The following HABP2 variants were observed in gnomAD, a reference collection of about 807,000 sequenced individuals.
HABP2 encodes factor VII-activating protease.
HABP2 carries 65 observed loss-of-function variants against 66.5 expected under a neutral mutation model. That is an observed-to-expected ratio of 0.98 (90% CI 0.80 to 1.20). HABP2 has a LOEUF of 1.20. Ranked by LOEUF, HABP2 falls within the 50% of genes most tolerant of loss-of-function variation. The pLI is 0.00. For missense variants in HABP2, 786 were observed against 691.0 expected (o/e 1.14, Z -1.54); for synonymous variants, 263 against 253.9 (o/e 1.04, Z -0.34).
At chr10:113,555,570 T>G (rs1844976609) in intron 1 of HABP2, among the ~76,000 whole-genome samples, 1 of 152,156 alleles carries the variant, frequency 6.6e-6, no homozygotes, top group Non-Finnish European at 1.5e-5. Context: ...TGAGGACTGT[T>G]CTTTGGGATC....
chr10:113,557,048 A>T (rs1845009539), intron 1 of HABP2, among the ~76,000 whole-genome samples: 1 of 151,942 alleles, frequency 6.6e-6, no homozygotes, highest in Admixed American at 6.6e-5. Flanking sequence ...GTGGATATTG[A>T]CTTATCGGAC....
chr10:113,561,460 A>G (rs1845098821), intron 1 of HABP2, among the ~76,000 whole-genome samples: 2 of 152,162 alleles, frequency 1.3e-5, no homozygotes, highest in South Asian at 4.1e-4. Context: ...CAGAGGTTGC[A>G]GCCTCAACCA....
intron 1 of HABP2, among the ~76,000 whole-genome samples, chr10:113,558,139 G>A (rs1159963299): frequency 6.6e-6 from 1 of 152,200 alleles, no homozygotes; most frequent in African/African-American, 2.4e-5. Context: ...CTCCCATCTG[G>A]ACGTTCCCTC....
chr10:113,562,004 C>T (rs1845108326), intron 1 of HABP2, among the ~76,000 whole-genome samples: 1 of 152,148 alleles, frequency 6.6e-6, no homozygotes, highest in Non-Finnish European at 1.5e-5. Context: ...GACTTTGAGA[C>T]TCTGGTGGCT....
rs574767931 is a variant in HABP2 at position 113,570,300 on chromosome 10, C to T, written c.106+2775C>T. 11 of 152,336 alleles carry T rather than the reference C, an allele frequency of 7.2e-5. No individual in the cohort carries two copies. The South Asian group carries it at 2.1e-3, about 29-fold the overall frequency. 9.4% of individuals were successfully genotyped at this position (152,336 alleles called of 1,614,324 possible). A position where few individuals can be genotyped will look rare whatever the true frequency, so the allele number is the denominator to read the frequency against. ...CATTTATTTAGTTTAGTGTCTGATA[C>T]ATAGAAAATACTCAACACATTATAA... is the stretch of plus-strand genomic sequence containing the variant. On this transcript the variant is annotated intron_variant, in intron 2 of 12. Coordinates refer to ENST00000351270, the MANE Select transcript of HABP2 (RefSeq NM_004132.5).
chr10:113,578,257 G>T (rs1238587980), intron 6 of HABP2, 112 bp downstream of exon 6: 7 of 1,169,608 alleles, frequency 6.0e-6, no homozygotes, highest in Non-Finnish European at 8.7e-6. Flanking sequence ...CTCGACTATT[G>T]CCTCAGCCTT....
At chr10:113,567,370 C>T in intron 1 of HABP2, 119 bp from the exon 2 acceptor site, 3 of 763,974 alleles carry the variant, frequency 3.9e-6, no homozygotes, top group Non-Finnish European at 7.0e-6. Flanking sequence ...CCAGCCACAA[C>T]CATCAGAAAG....
chr10:113,582,018 G>A lies in HABP2; in HGVS notation c.981G>A (p.Trp327Ter), dbSNP rs774158644. 4.3e-6 allele frequency: 7 copies of A among 1,614,192 alleles called. No individual in the cohort carries two copies. In the East Asian group the frequency reaches 1.6e-4, roughly 36 times the overall value. The change falls in exon 9 of 13, where the codon TGG becomes TGA. Residue 327 changes from tryptophan to a stop codon, truncating the protein, a stop_gained. Transcript: ENST00000351270. LOFTEE classifies it high-confidence loss of function. The stretch of plus-strand genomic sequence containing the variant: ...AGAGCACGGCGGGCAAGCACCCATG[G>A]CAGGCGTCCCTCCAGTCCTCGCTGC... ...GFKSTAGKHP[W>*]QASLQSSLPL... is the part of the protein sequence containing the mutation.
intron 12 of HABP2, among the ~76,000 whole-genome samples, chr10:113,587,363 T>C (rs537792993): frequency 1.1e-4 from 17 of 152,112 alleles, no homozygotes; most frequent in Non-Finnish European, 2.5e-4. Flanking sequence ...TTCAATTCCC[T>C]AGATAATTGA....
In HABP2 at chr10:113,583,356, T is replaced by C. The variant is rs773406671; in HGVS notation, c.1235T>C (p.Ile412Thr). ...AGAGATGAGATTCCCCACAATGATA[T>C]TGGCAAGTTCCTCTTTCATGGCTTT... ...NERDEIPHND[I>T]ALLKLKPVDG... Residue 412 changes from isoleucine (I) to threonine (T), a missense_variant and splice_region_variant, in exon 10 of 13, where the codon ATT becomes ACT. Physicochemically the swap from Ile to Thr is moderately conservative, Grantham distance 89. Transcript: ENST00000351270. 5.6e-6 allele frequency: 9 copies of C among 1,612,674 alleles called. No homozygotes were observed. Among genetic ancestry groups the C allele is most frequent in the Non-Finnish European group, 7.6e-6 (9 of 1,178,758 alleles).
intron 5 of HABP2, among the ~76,000 whole-genome samples, chr10:113,577,556 T>G (rs1332928186): frequency 6.6e-6 from 1 of 152,210 alleles, no homozygotes; most frequent in Non-Finnish European, 1.5e-5. Flanking sequence ...TGAATACATA[T>G]CGAGTCCCTG....
intron 12 of HABP2, among the ~76,000 whole-genome samples, chr10:113,586,483 G>T (rs578000012): frequency 4.6e-5 from 6 of 129,898 alleles, no homozygotes; most frequent in African/African-American, 1.1e-4. Context: ...TGTGGGGGGG[G>T]GGGGGGTGTT....
chr10:113,563,316 A>C (rs1036536230), intron 1 of HABP2, among the ~76,000 whole-genome samples: 4 of 152,060 alleles, frequency 2.6e-5, no homozygotes, highest in Admixed American at 6.5e-5. Context: ...CACCCTTCCC[A>C]CCTACCATCA....
At chr10:113,556,129 C>A (rs1225534974) in intron 1 of HABP2, among the ~76,000 whole-genome samples, 2 of 152,222 alleles carry the variant, frequency 1.3e-5, no homozygotes, top group African/African-American at 4.8e-5. Context: ...ACTCTAGAAT[C>A]TTCCCAGGGA....
At chr10:113,582,638 AG>A (rs564646444) in intron 9 of HABP2, among the ~76,000 whole-genome samples, 189 of 152,292 alleles carry the variant, frequency 1.2e-3, no homozygotes, top group African/African-American at 4.5e-3. Flanking sequence ...AATAGAGGAA[AG>A]CATGCTCCTT....
Position 113,588,347 on chromosome 10 carries a change from TC to T in HABP2, c.1662del (p.Ser556ValfsTer21), listed in dbSNP as rs1564683747. 6.2e-7 allele frequency: 1 copy of T among 1,613,286 alleles called. No homozygotes were observed. On this transcript the variant is annotated frameshift_variant, in exon 13 of 13. Coordinates refer to ENST00000351270, the MANE Select transcript of HABP2 (RefSeq NM_004132.5). LOFTEE classifies it high-confidence loss of function. Reference sequence around the variant, plus strand: ...TTCCTGAATTGGATCAAAGCCACCATCAAAAGTGAAAGTGGCTTCTAAGGTA... The same window carrying T: ...TTCCTGAATTGGATCAAAGCCACCATAAAAGTGAAAGTGGCTTCTAAGGTA... ...TKFLNWIKAT[I>X]KSESGF
intron 3 of HABP2, 69 bp from the exon 4 acceptor site, chr10:113,575,828 A>G: frequency 2.4e-6 from 2 of 850,914 alleles, no homozygotes; most frequent in Non-Finnish European, 3.9e-6. Context: ...AATTTGATGA[A>G]AAATTTGGAG....
At chr10:113,559,065 G>A (rs1368673006) in intron 1 of HABP2, among the ~76,000 whole-genome samples, 1 of 152,200 alleles carries the variant, frequency 6.6e-6, no homozygotes. Context: ...ATCCTGGCCA[G>A]GCTGGTGTCA....
chr10:113,583,453 G>A (rs1845578725), intron 10 of HABP2, 95 bp downstream of exon 10: 3 of 1,140,368 alleles, frequency 2.6e-6, no homozygotes, highest in African/African-American at 3.1e-5. Context: ...AGGTGCTCTT[G>A]ATTGTTTTTG....
Sources: allele counts gnomAD v4.1 joint callset (sites outside exome capture counted in the v4.1 genomes callset), GRCh38; gene constraint gnomAD v4.1.1; transcripts MANE v1.5; gene names NCBI Gene and HGNC (gene_info 2026-07-23, HGNC 2026-07-21).